RASEF: variants seen among roughly 807,000 people sequenced by gnomAD.
The protein encoded by RASEF is RAS and EF-hand domain containing.
Under a neutral mutation model 90.1 loss-of-function variants are expected in RASEF, and 68 were observed. The ratio of observed to expected loss-of-function variants is 0.75; its 90% CI spans 0.62 to 0.92. RASEF has a LOEUF of 0.92. Ranked by LOEUF, RASEF falls within the 40% of genes least tolerant of loss-of-function variation. The pLI is 0.00. For missense variants in RASEF, 949 were observed against 937.2 expected (o/e 1.01, Z -0.16); for synonymous variants, 331 against 345.2 (o/e 0.96, Z 0.46).
the RASEF span, among the ~76,000 whole-genome samples, chr9:83,112,949 T>G: frequency 2.0e-5 from 3 of 152,194 alleles, no homozygotes; most frequent in Non-Finnish European, 4.4e-5. Context: ...TCTGTAATTC[T>G]GTAGATTCTA....
At chr9:83,011,960 A>G (rs930493128) in intron 5 of RASEF, among the ~76,000 whole-genome samples, 1 of 152,218 alleles carries the variant, frequency 6.6e-6, no homozygotes, top group African/African-American at 2.4e-5. Context: ...ATCTGCTTTC[A>G]AATTTGAGAG....
chr9:82,994,055 T>G (rs973093531), intron 14 of RASEF, among the ~76,000 whole-genome samples: 3 of 152,172 alleles, frequency 2.0e-5, no homozygotes, highest in African/African-American at 7.2e-5. Flanking sequence ...GATACCTGCG[T>G]ACTCATTGGG....
intron 13 of RASEF, 68 bp from the exon 14 acceptor site, chr9:82,997,194 T>C (rs970203083): frequency 2.0e-6 from 2 of 980,716 alleles, no homozygotes; most frequent in Non-Finnish European, 3.3e-6. Context: ...TTTATGCTCA[T>C]TTTTTTCTCC....
the RASEF span, among the ~76,000 whole-genome samples, chr9:83,097,376 T>C: frequency 6.6e-6 from 1 of 152,272 alleles, no homozygotes; most frequent in East Asian, 1.9e-4. Context: ...CCAAAAGCAA[T>C]GGCAACAGCA....
chr9:83,073,710 C>A, the RASEF span, among the ~76,000 whole-genome samples: 1 of 152,144 alleles, frequency 6.6e-6, no homozygotes, highest in South Asian at 2.1e-4. Context: ...GTAAAATATT[C>A]CTTCTAGAGC....
the RASEF span, among the ~76,000 whole-genome samples, chr9:83,211,957 G>T: frequency 6.6e-6 from 1 of 152,150 alleles, no homozygotes; most frequent in Non-Finnish European, 1.5e-5. Flanking sequence ...TGTATAATTA[G>T]TATCACTGTA....
At chr9:83,073,691 T>TTA in the RASEF span, among the ~76,000 whole-genome samples, 1 of 152,228 alleles carries the variant, frequency 6.6e-6, no homozygotes, top group South Asian at 2.1e-4. Context: ...TACAATTAAA[T>TTA]ACTAAAGAGT....
the RASEF span, among the ~76,000 whole-genome samples, chr9:83,078,145 C>T: frequency 1.3e-4 from 20 of 152,176 alleles, no homozygotes; most frequent in African/African-American, 3.6e-4. Context: ...TGTGGCTCAC[C>T]GTGTGTGTTT....
chr9:83,130,559 C>T, the RASEF span, among the ~76,000 whole-genome samples: 2 of 152,198 alleles, frequency 1.3e-5, no homozygotes, highest in African/African-American at 2.4e-5. Context: ...AAATACCACA[C>T]TGACACAGTA....
chr9:83,096,017 T>C, the RASEF span, among the ~76,000 whole-genome samples: 3 of 152,136 alleles, frequency 2.0e-5, no homozygotes, highest in Non-Finnish European at 4.4e-5. Flanking sequence ...TTGAGATACC[T>C]AGAGTGTAAG....
the RASEF span, among the ~76,000 whole-genome samples, chr9:83,117,190 C>G: frequency 0.059 from 8,974 of 152,092 alleles, 290 homozygotes; most frequent in South Asian, 0.098. Flanking sequence ...TTAGATTTTC[C>G]CAGACTGATA....
chr9:83,014,511 C>A (rs1440382724), intron 4 of RASEF, among the ~76,000 whole-genome samples: 2 of 151,958 alleles, frequency 1.3e-5, no homozygotes, highest in Non-Finnish European at 1.5e-5. Context: ...GTGGTGGGAT[C>A]TCAACTATGT....
At position 83,062,453 on chromosome 9, in the gene RASEF, C is replaced by T; in HGVS notation, c.415G>A (p.Ala139Thr). Residue 139 changes from alanine to threonine, a missense_variant, in exon 1 of 17, where the codon GCC (alanine) becomes ACC (threonine). Around this residue, in one of 3 missense-constraint regions of RASEF, gnomAD observed 656 missense variants for 592.2 expected, o/e 1.11. Transcript: ENST00000376447. ...QDFQARLGDEAKFIPREEQVS... is the reference protein window; with the variant it reads ...QDFQARLGDETKFIPREEQVS... ...CACTCGCACCTGGGAATGAACTTGG[C>T]TTCGTCCCCAAGTCGCGCCTGGAAA... The T allele has an allele frequency of 1.9e-6, 3 of 1,613,048 alleles. No homozygotes were observed. Among genetic ancestry groups the T allele is most frequent in the South Asian group, 2.2e-5 (2 of 91,010 alleles).
intron 3 of RASEF, among the ~76,000 whole-genome samples, chr9:83,016,624 A>G (rs1242039809): frequency 6.6e-6 from 1 of 152,110 alleles, no homozygotes; most frequent in Non-Finnish European, 1.5e-5. Context: ...GGGACTGGGG[A>G]CATGGGGACA....
chr9:83,118,225 T>G, the RASEF span, among the ~76,000 whole-genome samples: 1 of 152,138 alleles, frequency 6.6e-6, no homozygotes, highest in African/African-American at 2.4e-5. Flanking sequence ...GCTTTGTCTA[T>G]AGTCTGGCAT....
At chr9:83,135,958 G>A in the RASEF span, among the ~76,000 whole-genome samples, 3 of 151,864 alleles carry the variant, frequency 2.0e-5, no homozygotes, top group Non-Finnish European at 2.9e-5. Flanking sequence ...TAATTATTAC[G>A]GTTTCCCTGG....
chr9:83,184,351 G>A, the RASEF span, among the ~76,000 whole-genome samples: 1 of 152,128 alleles, frequency 6.6e-6, no homozygotes, highest in South Asian at 2.1e-4. Flanking sequence ...GAATAACGGA[G>A]GATCTGATCA....
the RASEF span, among the ~76,000 whole-genome samples, chr9:83,114,207 G>T: frequency 5.9e-5 from 9 of 152,078 alleles, no homozygotes; most frequent in Non-Finnish European, 1.0e-4. Flanking sequence ...AATTTCTTAC[G>T]CCTGTCTTTA....
At chr9:83,006,864 C>T (rs564426706) in intron 7 of RASEF, among the ~76,000 whole-genome samples, 281 of 152,026 alleles carry the variant, frequency 1.8e-3, no homozygotes, top group Non-Finnish European at 3.1e-3. Context: ...GAGGCCGAGG[C>T]GGGAGGATCA....
Sources: gnomAD v4.1 joint callset for allele counts (sites outside exome capture counted in the v4.1 genomes callset) on GRCh38, gnomAD v4.1.1 for gene constraint, gnomAD v4.1.1 regional missense constraint, MANE v1.5 for transcripts, NCBI Gene and HGNC (gene_info 2026-07-23, HGNC 2026-07-21) for gene names.